Variants in ATP6V0D2 observed in about 807,000 individuals in gnomAD.
The protein encoded by ATP6V0D2 is ATPase H+ transporting V0 subunit d2, also known as V-type proton ATPase subunit d 2.
ATP6V0D2 carries 40 observed loss-of-function variants against 40.0 expected under a neutral mutation model. That is an observed-to-expected ratio of 1.00 (90% CI 0.78 to 1.30). The LOEUF (loss-of-function observed/expected upper bound fraction) is 1.30, where lower values mean the gene tolerates loss of function less well. Ranked by LOEUF, ATP6V0D2 falls within the 50% of genes most tolerant of loss-of-function variation. The pLI is 0.00. For missense variants in ATP6V0D2, 470 were observed against 423.1 expected, an observed-to-expected ratio of 1.11 and a Z score of -0.97; for synonymous variants, 179 against 156.3, an observed-to-expected ratio of 1.15 and a Z score of -1.08.
At chr8:86,142,843 A>T (rs1410054403) in intron 4 of ATP6V0D2, 34 bp from the exon 5 acceptor site, 1 of 1,344,184 alleles carries the variant, frequency 7.4e-7, no homozygotes, top group Non-Finnish European at 1.1e-6. Context: ...ATATATATTC[A>T]TTATATCACT....
chr8:86,124,538 G>C (rs1818714417), intron 2 of ATP6V0D2, among the ~76,000 whole-genome samples: 1 of 152,118 alleles, frequency 6.6e-6, no homozygotes, highest in Non-Finnish European at 1.5e-5. Context: ...CCCTGATACA[G>C]GTGAGAAATT....
At chr8:86,101,462 G>GAAAAAAAAAAAAAAAAAAAAAAAATTATA (rs59915079) in intron 1 of ATP6V0D2, among the ~76,000 whole-genome samples, 1 of 78,196 alleles carries the variant, frequency 1.3e-5, no homozygotes. Context: ...CCTGTCTCAG[G>GAAAAAAAAAAAAAAAAAAAAAAAATTATA]AAAAAAAAAA....
At chr8:86,132,919 C>T (rs190473314) in intron 2 of ATP6V0D2, among the ~76,000 whole-genome samples, 2 of 152,216 alleles carry the variant, frequency 1.3e-5, no homozygotes, top group East Asian at 3.9e-4. Flanking sequence ...TTCCACAGTA[C>T]TTGTACCAAT....
chr8:86,150,015 A>G (rs964325537), intron 5 of ATP6V0D2, 97 bp from the exon 6 acceptor site: 6 of 1,169,662 alleles, frequency 5.1e-6, no homozygotes, highest in Non-Finnish European at 7.3e-6. Flanking sequence ...CCAGAAAGGA[A>G]AGCGAATCAT....
At chr8:86,147,997 C>G (rs16890164) in intron 5 of ATP6V0D2, among the ~76,000 whole-genome samples, 2,267 of 152,290 alleles carry the variant, frequency 0.015, 71 homozygotes, top group African/African-American at 0.051. Flanking sequence ...TGAGCCATGA[C>G]AATTCCTCCA....
intron 1 of ATP6V0D2, among the ~76,000 whole-genome samples, chr8:86,099,575 C>A (rs976870589): frequency 6.6e-6 from 1 of 152,158 alleles, no homozygotes; most frequent in Admixed American, 6.5e-5. Flanking sequence ...CTCACCACAA[C>A]CTCCGCCTCC....
At chr8:86,121,578 AAGGAGGAGGAGGAGGAGG>A (rs562798784) in intron 2 of ATP6V0D2, among the ~76,000 whole-genome samples, 1 of 107,356 alleles carries the variant, frequency 9.3e-6, no homozygotes, top group African/African-American at 3.2e-5. Context: ...ATTTCAAAAG[AAGGAGGAGGAGGAGGAGG>A]AGGAGGAGGA....
At chr8:86,144,311 G>GA (rs1819018200) in intron 5 of ATP6V0D2, among the ~76,000 whole-genome samples, 1 of 152,014 alleles carries the variant, frequency 6.6e-6, no homozygotes, top group Admixed American at 6.6e-5. Flanking sequence ...CACTTAAAAA[G>GA]AAAAAATATC....
chr8:86,145,366 G>GA lies in ATP6V0D2; in HGVS notation c.639+2414dup, dbSNP rs1563566363. On this transcript the variant is annotated intron_variant, in intron 5 of 7. Coordinates refer to ENST00000285393, the MANE Select transcript of ATP6V0D2 (RefSeq NM_152565.1). ...AGAAGGAAAGAAGGAAGGAAGGAAG[G>GA]AAGGAAGGAAAGAAAAGAAAAGAAA... is the stretch of plus-strand genomic sequence containing the variant. Among the ~76,000 whole-genome samples, 3 of 71,840 alleles carry GA rather than the reference G, an allele frequency of 4.2e-5. No individual in the cohort carries two copies. The South Asian group carries it at 1.6e-3, about 38-fold the overall frequency. The allele number at this position is 71,840 out of a possible 152,430, so 47.1% of individuals were successfully genotyped here.
chr8:86,143,236 T>A (rs1451640013), intron 5 of ATP6V0D2, among the ~76,000 whole-genome samples: 2 of 152,200 alleles, frequency 1.3e-5, no homozygotes, highest in African/African-American at 4.8e-5. Context: ...TAATGTAGTA[T>A]GTAAAAAATA....
intron 2 of ATP6V0D2, among the ~76,000 whole-genome samples, chr8:86,133,018 C>T (rs1299507313): frequency 6.6e-6 from 1 of 152,056 alleles, no homozygotes; most frequent in Non-Finnish European, 1.5e-5. Flanking sequence ...TAATACTGTC[C>T]ATTCTAAATG....
rs79742407 is a variant in ATP6V0D2 at position 86,099,539 on chromosome 8, G to A, written c.130+431G>A. On this transcript the variant is annotated intron_variant, in intron 1 of 7. Coordinates refer to ENST00000285393, the MANE Select transcript of ATP6V0D2 (RefSeq NM_152565.1). The stretch of plus-strand genomic sequence containing the variant: ...ATGGAGTTTCACTCTTGTTGCATAG[G>A]CTGAAGTATAGTGGCGTGATCTTGG... Among the ~76,000 whole-genome samples the A allele has an allele frequency of 2.6e-3, 397 of 152,184 alleles. 4 individuals carry two copies. The highest frequency in any genetic ancestry group is 9.1e-3 in the African/African-American group (379 of 41,526).
At chr8:86,120,719 G>A (rs1010106039) in intron 2 of ATP6V0D2, among the ~76,000 whole-genome samples, 1 of 152,132 alleles carries the variant, frequency 6.6e-6, no homozygotes, top group African/African-American at 2.4e-5. Flanking sequence ...CAAAACAGGT[G>A]TTTATATCTC....
In ATP6V0D2 at chr8:86,132,752, T is replaced by C. The variant is rs1308558539; in HGVS notation, c.303-6705T>C. Among the ~76,000 whole-genome samples, 7 of 152,216 alleles carry C rather than the reference T, an allele frequency of 4.6e-5. No individual in the cohort carries two copies. The East Asian group carries it at 1.3e-3, about 29-fold the overall frequency. On this transcript the variant is annotated intron_variant, in intron 2 of 7. Coordinates refer to ENST00000285393, the MANE Select transcript of ATP6V0D2 (RefSeq NM_152565.1). The stretch of plus-strand genomic sequence containing the variant: ...TTGATGGATGCTTAGGTTAATTCCA[T>C]ATCTTTGTTATCGTGAATAGTGCTG...
chr8:86,117,582 G>T (rs918781820), intron 2 of ATP6V0D2, among the ~76,000 whole-genome samples: 4 of 152,200 alleles, frequency 2.6e-5, no homozygotes, highest in African/African-American at 9.7e-5. Context: ...TATGGGTTAG[G>T]ATAATTCCTT....
chr8:86,150,322 G>T (rs376312113), intron 6 of ATP6V0D2, 34 bp downstream of exon 6: 1 of 1,589,228 alleles, frequency 6.3e-7, no homozygotes, highest in African/African-American at 1.3e-5. Context: ...TAAGTCCTTT[G>T]TGTTCATTCA....
intron 2 of ATP6V0D2, among the ~76,000 whole-genome samples, chr8:86,114,301 T>C (rs1818565913): frequency 6.6e-6 from 1 of 152,122 alleles, no homozygotes; most frequent in African/African-American, 2.4e-5. Flanking sequence ...TAAGTAGCAG[T>C]TGTGAAAGTT....
chr8:86,147,008 G>A (rs199763149), intron 5 of ATP6V0D2, among the ~76,000 whole-genome samples: 14 of 151,122 alleles, frequency 9.3e-5, no homozygotes, highest in South Asian at 2.1e-4. Context: ...AACTTCATAT[G>A]AAAAAAAAAG....
intron 7 of ATP6V0D2, among the ~76,000 whole-genome samples, chr8:86,151,755 C>CTTTTTTTTTTTTTTTTTTTTTTTT (rs564476016): frequency 1.2e-5 from 1 of 85,518 alleles, no homozygotes; most frequent in African/African-American, 3.2e-5. Flanking sequence ...GCTTTTCTTT[C>CTTTTTTTTTTTTTTTTTTTTTTTT]TTTTTTTTTT....
Sources: gnomAD v4.1 joint callset for allele counts (sites outside exome capture counted in the v4.1 genomes callset) on GRCh38, gnomAD v4.1.1 for gene constraint, MANE v1.5 for transcripts, NCBI Gene and HGNC (gene_info 2026-07-23, HGNC 2026-07-21) for gene names.